Variants in TECTA observed in about 807,000 individuals in gnomAD.
TECTA encodes tectorin alpha, also known as alpha-tectorin.
A neutral mutation model predicts 216.8 loss-of-function variants in TECTA; 128 were observed. That is an observed-to-expected ratio of 0.59 (90% confidence interval 0.51 to 0.68). The LOEUF (loss-of-function observed/expected upper bound fraction) is 0.68. TECTA is among the 30% of genes least tolerant of loss of function. The pLI, the probability that TECTA is intolerant of heterozygous loss-of-function variation, is 0.00. For missense variants in TECTA, 2,551 were observed against 2,786.2 expected (o/e 0.92, Z 1.90); for synonymous variants, 1,089 against 1,117.1 (o/e 0.97, Z 0.50).
chr11:121,182,407 GC>G (rs1286703857), intron 20 of TECTA, among the ~76,000 whole-genome samples: 1 of 152,062 alleles, frequency 6.6e-6, no homozygotes, highest in Non-Finnish European at 1.5e-5. Flanking sequence ...GGCTGGGTGG[GC>G]CTGCCCTCAG....
chr11:121,132,965 C>T (rs1946690071), intron 10 of TECTA, among the ~76,000 whole-genome samples: 1 of 152,152 alleles, frequency 6.6e-6, no homozygotes. Context: ...AACTCCTGAC[C>T]TCGTGATCCA....
intron 6 of TECTA, among the ~76,000 whole-genome samples, chr11:121,116,973 T>A (rs1347300628): frequency 3.3e-5 from 5 of 152,224 alleles, no homozygotes; most frequent in African/African-American, 1.2e-4. Context: ...TCAACAGGTA[T>A]AAAATGGAAT....
chr11:121,149,851 C>T (rs1253623367), intron 12 of TECTA, among the ~76,000 whole-genome samples: 4 of 152,178 alleles, frequency 2.6e-5, no homozygotes, highest in Non-Finnish European at 5.9e-5. Context: ...CGAGAAGCAG[C>T]GGATCAGTTC....
rs750427825 is a variant in TECTA, at chr11:121,128,173, C to T, written c.2196C>T (p.Pro732=). ...HTFDGASYAF[P]SEFSYTLLKT... ...TTGACGGCGCCTCCTACGCCTTCCC[C>T]TCCGAGTTCTCCTACACCCTCCTGA... The change falls in exon 9 of 24, where the codon CCC becomes CCT. Residue 732 remains proline (P), a synonymous_variant. Transcript: ENST00000392793. 2.5e-6 allele frequency: 4 copies of T among 1,609,456 alleles called. No homozygotes were observed. In the Admixed American group the frequency reaches 5.0e-5, roughly 20 times the overall value.
rs951961122 is a variant in TECTA, at chr11:121,158,182, T to C, written c.4647T>C (p.Ile1549=). 1 of 1,613,958 alleles carries C rather than the reference T, an allele frequency of 6.2e-7. No homozygotes were observed. The highest frequency in any genetic ancestry group is 8.5e-7 in the Non-Finnish European group (1 of 1,180,030). The part of the protein sequence containing the change: ...LTIISPVYFY[I]NEEQILINDR... ...TCATTTCGCCCGTCTACTTCTACAT[T>C]AACGAAGAGCAGATTCTCATCAACG... Residue 1549 remains isoleucine, a synonymous_variant, in exon 14 of 24, where the codon ATT becomes ATC. Coordinates refer to ENST00000392793, the MANE Select transcript of TECTA (RefSeq NM_005422.4).
In TECTA at chr11:121,165,313, C is replaced by G. The variant is rs770613216; in HGVS notation, c.5313C>G (p.Pro1771=). 2 of 1,608,764 alleles carry G rather than the reference C, an allele frequency of 1.2e-6. No individual in the cohort carries two copies. The highest frequency in any genetic ancestry group is 3.4e-5 in the Admixed American group (2 of 59,438). The change falls in exon 17 of 24, where the codon CCC becomes CCG. Residue 1771 remains proline (P), a synonymous_variant. Transcript: ENST00000392793. ...ATCCCTGTGTGGGGGCGGACTGTCC[C>G]AACCGAACTTGCGAGCTGGGCAATG... is the stretch of plus-strand genomic sequence containing the variant. ...VEDPCVGADC[P]NRTCELGNGR...
At chr11:121,157,226 T>C (rs769013418) in intron 13 of TECTA, among the ~76,000 whole-genome samples, 3 of 152,206 alleles carry the variant, frequency 2.0e-5, no homozygotes, top group South Asian at 4.1e-4. Context: ...CCTCTTTACC[T>C]AGTTCCTCTA....
chr11:121,144,760 G>T (rs1473301343), intron 11 of TECTA, among the ~76,000 whole-genome samples: 1 of 152,160 alleles, frequency 6.6e-6, no homozygotes, highest in East Asian at 1.9e-4. Context: ...CTGGGTGCCT[G>T]GGGGGTAATG....
Position 121,157,989 on chromosome 11 carries a change from C to T in TECTA, c.4454C>T (p.Ser1485Phe). Residue 1485 changes from serine (S) to phenylalanine (F), a missense_variant, in exon 14 of 24, where the codon TCC (serine) becomes TTC (phenylalanine). Around this residue, in one of 3 missense-constraint regions of TECTA, gnomAD observed 2,375 missense variants for 2,563.9 expected, o/e 0.93. Coordinates refer to ENST00000392793, the MANE Select transcript of TECTA (RefSeq NM_005422.4). ...GVRGCFSTKTSYCLAAGGGVF... is the reference protein window; with the variant it reads ...GVRGCFSTKTFYCLAAGGGVF... Reference sequence around the variant, plus strand: ...CGCGGCTGCTTCAGCACCAAGACCTCCTACTGCCTGGCGGCCGGCGGCGGC... The same window carrying T: ...CGCGGCTGCTTCAGCACCAAGACCTTCTACTGCCTGGCGGCCGGCGGCGGC... 2 of 1,613,376 alleles carry T rather than the reference C, an allele frequency of 1.2e-6. No individual in the cohort carries two copies. Among genetic ancestry groups the T allele is most frequent in the South Asian group, 1.1e-5 (1 of 91,076 alleles).
chr11:121,119,454 G>A (rs891428682), intron 7 of TECTA, among the ~76,000 whole-genome samples: 1 of 152,064 alleles, frequency 6.6e-6, no homozygotes, highest in East Asian at 1.9e-4. Flanking sequence ...CTGTCCACCT[G>A]GATTTCAAGC....
intron 21 of TECTA, among the ~76,000 whole-genome samples, chr11:121,188,750 T>C (rs1262997902): frequency 6.6e-6 from 1 of 152,258 alleles, no homozygotes; most frequent in Non-Finnish European, 1.5e-5. Flanking sequence ...TGATACTGCA[T>C]ACATTAGTGT....
chr11:121,118,749 T>G, intron 7 of TECTA, 31 bp downstream of exon 7: 2 of 1,611,338 alleles, frequency 1.2e-6, no homozygotes. Context: ...CACGGGGAAA[T>G]GGAGAAGCTG....
At chr11:121,164,552 T>A (rs1947032276) in intron 16 of TECTA, among the ~76,000 whole-genome samples, 1 of 152,210 alleles carries the variant, frequency 6.6e-6, no homozygotes, top group Non-Finnish European at 1.5e-5. Flanking sequence ...ACAGAAATAT[T>A]GTTCATAATA....
intron 20 of TECTA, among the ~76,000 whole-genome samples, chr11:121,177,638 C>T (rs1947181995): frequency 6.6e-6 from 1 of 152,236 alleles, no homozygotes; most frequent in African/African-American, 2.4e-5. Flanking sequence ...CAGGGACCCA[C>T]TTGAGGAGGC....
chr11:121,117,228 G>A (rs628721), intron 6 of TECTA, among the ~76,000 whole-genome samples: 126,249 of 152,274 alleles, frequency 0.83, 52,911 homozygotes, highest in African/African-American at 0.95. Context: ...TTATAACATC[G>A]CTGTTCTCTG....
chr11:121,172,541 G>A (rs1329278153), intron 20 of TECTA, among the ~76,000 whole-genome samples: 2 of 152,148 alleles, frequency 1.3e-5, no homozygotes, highest in Non-Finnish European at 2.9e-5. Context: ...TGGCTACATA[G>A]TATCCCATGG....
chr11:121,132,219 T>C (rs1946681628), intron 10 of TECTA, among the ~76,000 whole-genome samples: 1 of 152,206 alleles, frequency 6.6e-6, no homozygotes, highest in Non-Finnish European at 1.5e-5. Flanking sequence ...CACCCATTTG[T>C]TTCTTTTTAT....
At chr11:121,124,258 T>C (rs1471833902) in intron 7 of TECTA, among the ~76,000 whole-genome samples, 1 of 152,162 alleles carries the variant, frequency 6.6e-6, no homozygotes, top group African/African-American at 2.4e-5. Context: ...GCCAAGTACA[T>C]AGAAAGGCAT....
At chr11:121,108,253 C>A (rs997147910) in intron 3 of TECTA, among the ~76,000 whole-genome samples, 8 of 151,840 alleles carry the variant, frequency 5.3e-5, no homozygotes, top group African/African-American at 1.9e-4. Flanking sequence ...CTGTCTGGCC[C>A]AGCACATACA....
Sources: allele counts gnomAD v4.1 joint callset (sites outside exome capture counted in the v4.1 genomes callset), GRCh38; gene constraint gnomAD v4.1.1; regional missense constraint gnomAD v4.1.1; transcripts MANE v1.5; gene names NCBI Gene and HGNC (gene_info 2026-07-23, HGNC 2026-07-21).